The following ZNF469 variants were observed in gnomAD, a reference collection of about 807,000 sequenced individuals.
The protein encoded by ZNF469 is zinc finger protein 469.
In ZNF469, 1 loss-of-function variant was observed where a neutral mutation model predicts 1.0. That is an observed-to-expected ratio of 1.00 (90% CI 0.35 to 4.73). The LOEUF (loss-of-function observed/expected upper bound fraction) is 4.73. ZNF469 is among the 30% of genes most tolerant of loss of function. The pLI is 0.16. For synonymous variants in ZNF469, 2,703 were observed against 2,363.4 expected (o/e 1.14, Z -4.17); for missense variants, 6,100 against 5,356.3 (o/e 1.14, Z -4.33).
the ZNF469 span, among the ~76,000 whole-genome samples, chr16:88,123,908 AT>A: frequency 6.6e-6 from 1 of 152,136 alleles, no homozygotes; most frequent in Non-Finnish European, 1.5e-5. Flanking sequence ...GGTTCAAGCG[AT>A]TCTCCTGTCT....
the ZNF469 span, among the ~76,000 whole-genome samples, chr16:88,214,096 G>A: frequency 4.6e-5 from 7 of 152,146 alleles, no homozygotes; most frequent in African/African-American, 7.2e-5. Context: ...TCCTCTCTTC[G>A]CTTAACAGGG....
chr16:88,321,832 C>T, the ZNF469 span, among the ~76,000 whole-genome samples: 1 of 152,258 alleles, frequency 6.6e-6, no homozygotes, highest in South Asian at 2.1e-4. Flanking sequence ...CCATCCGGAG[C>T]ATGATCTGCT....
At chr16:88,132,443 A>G in the ZNF469 span, among the ~76,000 whole-genome samples, 1 of 152,318 alleles carries the variant, frequency 6.6e-6, no homozygotes, top group East Asian at 1.9e-4. Flanking sequence ...TGGATCTGTG[A>G]CTGGCCCCAT....
the ZNF469 span, among the ~76,000 whole-genome samples, chr16:88,182,947 A>G: frequency 1.3e-5 from 2 of 152,250 alleles, no homozygotes; most frequent in African/African-American, 4.8e-5. Context: ...AAGAAAATGA[A>G]GAGACAAACC....
In ZNF469 at chr16:88,435,697, C is replaced by G. The variant is rs1906522585; in HGVS notation, c.8227C>G (p.Gln2743Glu). 6.4e-7 allele frequency: 1 copy of G among 1,550,712 alleles called. No homozygotes were observed. Among genetic ancestry groups the G allele is most frequent in the Non-Finnish European group, 8.7e-7 (1 of 1,147,002 alleles). ...GRMDGAALGE[Q>E]PTGQKGASAR... The stretch of plus-strand genomic sequence containing the variant: ...GATGGATGGTGCAGCTCTGGGGGAA[C>G]AGCCAACTGGGCAGAAGGGAGCCTC... Residue 2743 changes from glutamine (Q) to glutamate (E), a missense_variant, in exon 3 of 3, where the codon CAG becomes GAG. Physicochemically the swap from Gln to Glu is conservative, Grantham distance 29. Coordinates refer to ENST00000565624, the MANE Select transcript of ZNF469 (RefSeq NM_001367624.2).
the ZNF469 span, among the ~76,000 whole-genome samples, chr16:88,291,112 G>A: frequency 1.3e-5 from 2 of 152,302 alleles, no homozygotes; most frequent in African/African-American, 4.8e-5. Context: ...AGCCAAGCAG[G>A]CCAAGGGATG....
Position 88,432,354 on chromosome 16 carries a change from G to A in ZNF469, c.4884G>A (p.Thr1628=), listed in dbSNP as rs141666432. ...ACACGTTCTCGGCAGCTGACCTCACGCGCGTTGGAGAATCCACTGCACATC... is the reference window on the plus strand; with the variant it reads ...ACACGTTCTCGGCAGCTGACCTCACACGCGTTGGAGAATCCACTGCACATC... ...HEDTFSAADL[T]RVGESTAHRE... The change falls in exon 3 of 3, where the codon ACG becomes ACA. Residue 1628 remains threonine, a synonymous_variant. Transcript: ENST00000565624. The A allele has an allele frequency of 1.8e-3, 2,826 of 1,548,508 alleles. 38 individuals are homozygous for A. In the African/African-American group the frequency reaches 0.028, roughly 15 times the overall value.
In ZNF469 at chr16:88,429,566, G is replaced by C; in HGVS notation, c.2096G>C (p.Arg699Pro). The C allele has an allele frequency of 6.5e-7, 1 of 1,550,056 alleles. No homozygotes were observed. The highest frequency in any genetic ancestry group is 8.7e-7 in the Non-Finnish European group (1 of 1,146,838). The change falls in exon 3 of 3, where the codon CGG becomes CCG. Residue 699 changes from arginine (R) to proline (P), a missense_variant. Transcript: ENST00000565624. ...PFPHEGPEVG[R>P]GGLQGFPRAP... ...CCCCACGAGGGCCCCGAGGTGGGTC[G>C]GGGAGGGCTGCAGGGCTTCCCCCGT...
chr16:88,132,602 G>C, the ZNF469 span, among the ~76,000 whole-genome samples: 751 of 152,310 alleles, frequency 4.9e-3, 5 homozygotes, highest in African/African-American at 0.017. Flanking sequence ...AACATTTTCA[G>C]AATTGTTCAA....
At chr16:88,346,011 C>T in the ZNF469 span, among the ~76,000 whole-genome samples, 1 of 152,180 alleles carries the variant, frequency 6.6e-6, no homozygotes, top group Non-Finnish European at 1.5e-5. Flanking sequence ...GGGGCAGGAG[C>T]GTGAGAGGTG....
chr16:88,249,222 T>C, the ZNF469 span, among the ~76,000 whole-genome samples: 1 of 9,180 alleles, frequency 1.1e-4, no homozygotes, highest in Non-Finnish European at 3.1e-4. Context: ...AGCCAGCTTC[T>C]GTTTAAAAAA....
chr16:88,334,883 G>A, the ZNF469 span, among the ~76,000 whole-genome samples: 1 of 151,814 alleles, frequency 6.6e-6, no homozygotes, highest in Admixed American at 6.6e-5. Flanking sequence ...GAAGGAAGAT[G>A]CCGACGGAAC....
At chr16:88,217,627 T>G in the ZNF469 span, among the ~76,000 whole-genome samples, 2 of 109,382 alleles carry the variant, frequency 1.8e-5, no homozygotes, top group Admixed American at 1.0e-4. Context: ...GAGTGTGATA[T>G]TCCCCTTCCT....
intron 1 of ZNF469, among the ~76,000 whole-genome samples, chr16:88,418,380 G>A (rs1905359385): frequency 6.6e-6 from 1 of 152,172 alleles, no homozygotes; most frequent in Admixed American, 6.5e-5. Flanking sequence ...GGCCACTGAT[G>A]AGGTCCTGGT....
chr16:88,351,031 C>T, the ZNF469 span, among the ~76,000 whole-genome samples: 3 of 152,214 alleles, frequency 2.0e-5, no homozygotes, highest in South Asian at 4.1e-4. Flanking sequence ...GGCGACCTGC[C>T]GCGCTCCCCC....
the ZNF469 span, among the ~76,000 whole-genome samples, chr16:88,183,059 C>T: frequency 6.6e-6 from 1 of 152,138 alleles, no homozygotes; most frequent in Non-Finnish European, 1.5e-5. Context: ...AAATATAATC[C>T]ACTAAAAAGT....
At chr16:88,209,974 C>T in the ZNF469 span, among the ~76,000 whole-genome samples, 2 of 152,196 alleles carry the variant, frequency 1.3e-5, no homozygotes, top group Non-Finnish European at 2.9e-5. Flanking sequence ...AACTCTTCCT[C>T]CAAGACGGTT....
Position 88,438,430 on chromosome 16 carries a change from C to T in ZNF469, c.10960C>T (p.His3654Tyr), listed in dbSNP as rs1279842152. 6.5e-6 allele frequency: 10 copies of T among 1,550,012 alleles called. No individual in the cohort carries two copies. In the East Asian group the frequency reaches 2.2e-4, roughly 34 times the overall value. Residue 3654 changes from histidine (H) to tyrosine (Y), a missense_variant, in exon 3 of 3, where the codon CAC becomes TAC. By Grantham distance (83) the His-to-Tyr change is moderately conservative. Transcript: ENST00000565624. ...LQKEKEVSSS[H>Y]MVSEGGPRGA... ...GAAAGAGAAGGAGGTGTCCTCAAGC[C>T]ACATGGTGTCTGAGGGGGGGCCCCG...
At chr16:88,131,106 G>C in the ZNF469 span, among the ~76,000 whole-genome samples, 1 of 152,244 alleles carries the variant, frequency 6.6e-6, no homozygotes. Flanking sequence ...ATCATGTTCA[G>C]ATCGTCTCCT....
Sources: allele counts gnomAD v4.1 joint callset (sites outside exome capture counted in the v4.1 genomes callset), GRCh38; gene constraint gnomAD v4.1.1; transcripts MANE v1.5; gene names NCBI Gene and HGNC (gene_info 2026-07-23, HGNC 2026-07-21).